Variants in MEI4 observed in about 807,000 individuals in gnomAD.
MEI4 encodes meiotic double-stranded break formation protein 4, also known as meiosis-specific protein MEI4.
MEI4 carries 27 observed loss-of-function variants against 31.4 expected under a neutral mutation model. The observed-to-expected ratio is 0.86, with a 90% confidence interval of 0.63 to 1.19. The LOEUF (loss-of-function observed/expected upper bound fraction) is 1.19. Ranked by LOEUF, MEI4 falls within the 50% of genes most tolerant of loss-of-function variation. The pLI is 0.00. For missense variants in MEI4, 329 were observed against 398.9 expected (o/e 0.82, Z 1.49); for synonymous variants, 122 against 145.4 (o/e 0.84, Z 1.16).
At position 77,708,916 on chromosome 6, in the gene MEI4, A is replaced by G. The variant is rs1313926602; in HGVS notation, c.232+18013A>G. Among the ~76,000 whole-genome samples, 3 of 152,098 alleles carry G rather than the reference A, an allele frequency of 2.0e-5. No individual in the cohort carries two copies. In the South Asian group the frequency reaches 6.2e-4, roughly 32 times the overall value. Reference sequence around the variant, plus strand: ...GCAGAAACATGAGCCAAATAAACTTATTTTCTTTATAAATTATCCTGTTTT... The same window carrying G: ...GCAGAAACATGAGCCAAATAAACTTGTTTTCTTTATAAATTATCCTGTTTT... On this transcript the variant is annotated intron_variant, in intron 2 of 4. Coordinates refer to ENST00000684080, the MANE Select transcript of MEI4 (RefSeq NM_001322247.2).
At chr6:77,691,790 A>G (rs1562207554) in intron 2 of MEI4, among the ~76,000 whole-genome samples, 1 of 152,006 alleles carries the variant, frequency 6.6e-6, no homozygotes, top group East Asian at 1.9e-4. Context: ...CTGGGAACAC[A>G]GGGGCAAACC....
chr6:77,691,605 C>T (rs901076555), intron 2 of MEI4, among the ~76,000 whole-genome samples: 12 of 151,924 alleles, frequency 7.9e-5, no homozygotes, highest in African/African-American at 2.7e-4. Context: ...GGCAAAGAAG[C>T]GATGGGGAAA....
intron 3 of MEI4, among the ~76,000 whole-genome samples, chr6:77,769,372 GCC>G (rs1296050360): frequency 6.6e-6 from 1 of 152,134 alleles, no homozygotes; most frequent in Non-Finnish European, 1.5e-5. Flanking sequence ...GGCAAGTCCT[GCC>G]ACCATGGGCT....
intron 1 of MEI4, among the ~76,000 whole-genome samples, chr6:77,669,248 T>C (rs1025821175): frequency 1.3e-5 from 2 of 152,194 alleles, no homozygotes; most frequent in Non-Finnish European, 2.9e-5. Context: ...TACATACACA[T>C]GTACACTTGA....
At chr6:77,675,493 A>C (rs183741721) in intron 1 of MEI4, among the ~76,000 whole-genome samples, 1 of 151,904 alleles carries the variant, frequency 6.6e-6, no homozygotes, top group Admixed American at 6.6e-5. Flanking sequence ...AGTGCCCCTT[A>C]AGGCATTTTA....
chr6:77,840,199 A>G (rs1770325563), intron 4 of MEI4, among the ~76,000 whole-genome samples: 1 of 152,220 alleles, frequency 6.6e-6, no homozygotes, highest in Admixed American at 6.5e-5. Context: ...TAGAACTGAA[A>G]AATATACTAT....
chr6:77,866,691 AC>A (rs1771039582), intron 4 of MEI4, among the ~76,000 whole-genome samples: 1 of 152,212 alleles, frequency 6.6e-6, no homozygotes, highest in South Asian at 2.1e-4. Context: ...CCATCAAGCT[AC>A]CAATGACTTT....
chr6:77,816,088 G>T (rs1769682342), intron 3 of MEI4, among the ~76,000 whole-genome samples: 1 of 151,920 alleles, frequency 6.6e-6, no homozygotes, highest in Non-Finnish European at 1.5e-5. Context: ...TAATATTCAG[G>T]AAATCTCTAT....
rs549088495 is a variant in MEI4, at chr6:77,910,051, C to T, written c.901-13038C>T. ...CTGAATAAATTAGGTATTGATGGGACGTATCTCAAAATAATAAGTGCTGTC... is the reference window on the plus strand; with the variant it reads ...CTGAATAAATTAGGTATTGATGGGATGTATCTCAAAATAATAAGTGCTGTC... On this transcript the variant is annotated intron_variant, in intron 4 of 4. Transcript: ENST00000684080. Among the ~76,000 whole-genome samples, 37 of 152,244 alleles carry T rather than the reference C, an allele frequency of 2.4e-4. 1 individual carries two copies. Among genetic ancestry groups the T allele is most frequent in the South Asian group, 1.2e-3 (6 of 4,824 alleles).
chr6:77,781,336 C>T (rs867354776), intron 3 of MEI4, among the ~76,000 whole-genome samples: 9 of 152,126 alleles, frequency 5.9e-5, no homozygotes, highest in East Asian at 1.9e-4. Flanking sequence ...CTAATGCTTA[C>T]GACCTGTCTA....
At chr6:77,909,116 C>T (rs1470398929) in intron 4 of MEI4, among the ~76,000 whole-genome samples, 1 of 152,116 alleles carries the variant, frequency 6.6e-6, no homozygotes, top group Non-Finnish European at 1.5e-5. Context: ...AAGCACTCCT[C>T]AGCAAATGTA....
At chr6:77,746,532 C>G (rs868655673) in intron 2 of MEI4, among the ~76,000 whole-genome samples, 8 of 152,108 alleles carry the variant, frequency 5.3e-5, no homozygotes, top group Non-Finnish European at 1.2e-4. Flanking sequence ...TGGACTACAA[C>G]TTACAGTATC....
intron 3 of MEI4, among the ~76,000 whole-genome samples, chr6:77,816,241 G>A (rs1470963361): frequency 6.6e-6 from 1 of 152,010 alleles, no homozygotes; most frequent in Non-Finnish European, 1.5e-5. Context: ...TTTTAGCATA[G>A]TTGATTATGA....
chr6:77,734,489 G>C (rs1767119417), intron 2 of MEI4, among the ~76,000 whole-genome samples: 1 of 151,806 alleles, frequency 6.6e-6, no homozygotes, highest in Non-Finnish European at 1.5e-5. Flanking sequence ...CCATTTGCTT[G>C]GTAGATCTTC....
intron 3 of MEI4, among the ~76,000 whole-genome samples, chr6:77,817,401 T>C: frequency 6.6e-6 from 1 of 152,260 alleles, no homozygotes; most frequent in South Asian, 2.1e-4. Context: ...CTTTGTTGCC[T>C]GATAGTGAGT....
rs1766833492 is a variant in MEI4 at position 77,925,918 on chromosome 6, A to G, written c.*2572A>G. 1 of 150,088 alleles carries G rather than the reference A, an allele frequency of 6.7e-6. No homozygotes were observed. The highest frequency in any genetic ancestry group is 2.5e-5 in the African/African-American group (1 of 40,270). The allele number at this position is 150,088 out of a possible 1,614,324, so 9.3% of individuals were successfully genotyped here. A position where few individuals can be genotyped will look rare whatever the true frequency, so the allele number is the denominator to read the frequency against. On this transcript the variant is annotated 3_prime_UTR_variant, in exon 5 of 5. Transcript: ENST00000684080. Reference sequence around the variant, plus strand: ...AGGTACTTACCTAAGCATTTTACATATATTAAACTGTTTGATTCTCCCAGC... The same window carrying G: ...AGGTACTTACCTAAGCATTTTACATGTATTAAACTGTTTGATTCTCCCAGC...
chr6:77,922,462 C>T (rs771999161), intron 4 of MEI4, among the ~76,000 whole-genome samples: 2 of 151,584 alleles, frequency 1.3e-5, no homozygotes, highest in African/African-American at 4.8e-5. Flanking sequence ...TATACTGATT[C>T]TGCCATTCTC....
intron 4 of MEI4, among the ~76,000 whole-genome samples, chr6:77,850,270 A>G (rs552474270): frequency 9.2e-5 from 14 of 152,306 alleles, no homozygotes; most frequent in African/African-American, 3.1e-4. Flanking sequence ...TTCTTCACAG[A>G]ATTGGAAAAA....
chr6:77,839,598 A>G (rs1002433718), intron 4 of MEI4, among the ~76,000 whole-genome samples: 1 of 152,204 alleles, frequency 6.6e-6, no homozygotes, highest in South Asian at 2.1e-4. Flanking sequence ...AGTGGTACAC[A>G]TAATGGAATA....
Sources: allele counts gnomAD v4.1 joint callset (sites outside exome capture counted in the v4.1 genomes callset), GRCh38; gene constraint gnomAD v4.1.1; transcripts MANE v1.5; gene names NCBI Gene and HGNC (gene_info 2026-07-23, HGNC 2026-07-21).